RNF138: variants seen among roughly 807,000 people sequenced by gnomAD.
RNF138 encodes E3 ubiquitin-protein ligase RNF138.
In RNF138, 12 loss-of-function variants were observed where a neutral mutation model predicts 31.0. That is an observed-to-expected ratio of 0.39 (90% CI 0.25 to 0.63). RNF138 has a LOEUF of 0.63. Among genes scored for constraint, RNF138 ranks in the 20% least tolerant of loss-of-function variants. The pLI is 0.52. For missense variants in RNF138, 192 were observed against 300.1 expected, an observed-to-expected ratio of 0.64 and a Z score of 2.66; for synonymous variants, 105 against 99.5, an observed-to-expected ratio of 1.06 and a Z score of -0.33.
intron 2 of RNF138, among the ~76,000 whole-genome samples, chr18:32,100,891 C>T (rs1236963640): frequency 1.3e-5 from 2 of 152,178 alleles, no homozygotes; most frequent in Non-Finnish European, 2.9e-5. Context: ...AGGCCTGAGC[C>T]ACTGCGCCTG....
At chr18:32,093,449 C>CA (rs2039745864) in intron 2 of RNF138, among the ~76,000 whole-genome samples, 17 of 152,200 alleles carry the variant, frequency 1.1e-4, no homozygotes, top group Admixed American at 1.1e-3. Flanking sequence ...CTTCACAGAA[C>CA]ACCCTCGAGA....
chr18:32,120,613 A>AGCAGGCATGATACAACAGC (rs1412291860), intron 4 of RNF138, among the ~76,000 whole-genome samples: 1 of 152,240 alleles, frequency 6.6e-6, no homozygotes, highest in African/African-American at 2.4e-5. Flanking sequence ...GGGCTAAATG[A>AGCAGGCATGATACAACAGC]GCAGGCATGA....
At chr18:32,103,735 G>A (rs973610627) in intron 2 of RNF138, among the ~76,000 whole-genome samples, 2 of 152,036 alleles carry the variant, frequency 1.3e-5, no homozygotes, top group East Asian at 1.9e-4. Context: ...AGGCCGAGGC[G>A]GGTGGATCAC....
chr18:32,125,944 G>A (rs2040376735), intron 6 of RNF138, among the ~76,000 whole-genome samples: 1 of 152,130 alleles, frequency 6.6e-6, no homozygotes, highest in African/African-American at 2.4e-5. Flanking sequence ...TCATATTTAA[G>A]ATTTTACTTA....
At chr18:32,113,995 T>C (rs2040175674) in intron 4 of RNF138, 135 bp downstream of exon 4, 3 of 522,400 alleles carry the variant, frequency 5.7e-6, no homozygotes, top group Middle Eastern at 2.7e-4. Flanking sequence ...AATTGCCAAG[T>C]ATCAGAACTA....
intron 2 of RNF138, among the ~76,000 whole-genome samples, chr18:32,111,493 T>A (rs2040129240): frequency 1.3e-5 from 2 of 152,136 alleles, no homozygotes; most frequent in Non-Finnish European, 2.9e-5. Flanking sequence ...GTAGCATTAA[T>A]ATTTATTCAT....
chr18:32,126,816 A>C lies in RNF138; in HGVS notation c.669+16A>C, dbSNP rs762794364. Reference sequence around the variant, plus strand: ...AGAATTTGTGGTAAGTGAATTCTTCAAGATTAAGAAAGTACTGTTTAAATA... The same window carrying C: ...AGAATTTGTGGTAAGTGAATTCTTCCAGATTAAGAAAGTACTGTTTAAATA... On this transcript the variant is annotated intron_variant, in intron 7 of 7. Coordinates refer to ENST00000261593, the MANE Select transcript of RNF138 (RefSeq NM_016271.5). 22 of 1,334,874 alleles carry C rather than the reference A, an allele frequency of 1.6e-5. No homozygotes were observed. The highest frequency in any genetic ancestry group is 2.4e-5 in the Non-Finnish European group (22 of 927,620). 82.7% of individuals were successfully genotyped at this position (1,334,874 alleles called of 1,614,324 possible).
rs1166986144 is a variant in RNF138 at position 32,124,338 on chromosome 18, T to C, written c.450-396T>C. ...AAGTCTTTTAGAAGTTTTAAGTTCC[T>C]AGATAAAAGGTTTGCAAAATGTGGA... On this transcript the variant is annotated intron_variant, in intron 5 of 7. Coordinates refer to ENST00000261593, the MANE Select transcript of RNF138 (RefSeq NM_016271.5). The C allele has an allele frequency of 2.6e-5, 4 of 155,868 alleles. 1 individual carries two copies. Among genetic ancestry groups the C allele is most frequent in the Admixed American group, 2.5e-4 (4 of 15,716 alleles). 9.7% of individuals were successfully genotyped at this position (155,868 alleles called of 1,614,324 possible).
rs1352506409 is a variant in RNF138, at chr18:32,113,826, A to T, written c.358A>T (p.Asn120Tyr). ...DEYGVSSIIP[N>Y]FQISQDSVGN... The stretch of plus-strand genomic sequence containing the variant: ...ATATGGTGTTTCTTCTATCATTCCA[A>T]ACTTTCAGATCTCTCAAGATTCAGT... The change falls in exon 4 of 8, where the codon AAC becomes TAC. Residue 120 changes from asparagine to tyrosine, a missense_variant. By Grantham distance (143) the Asn-to-Tyr change is moderately radical. This residue lies in a region of RNF138 where 140 missense variants were observed against 251.7 expected (regional missense o/e 0.56). Transcript: ENST00000261593. 1 of 1,557,042 alleles carries T rather than the reference A, an allele frequency of 6.4e-7. No individual in the cohort carries two copies.
intron 6 of RNF138, among the ~76,000 whole-genome samples, 193 bp from the exon 7 acceptor site, chr18:32,126,500 C>T (rs7243277): frequency 0.016 from 2,511 of 152,188 alleles, 67 homozygotes; most frequent in African/African-American, 0.058. Context: ...TAAGATTTCT[C>T]ACTGTGTTAG....
intron 4 of RNF138, among the ~76,000 whole-genome samples, chr18:32,114,810 A>C (rs1312689589): frequency 6.6e-6 from 1 of 152,160 alleles, no homozygotes; most frequent in African/African-American, 2.4e-5. Flanking sequence ...TAGTAACTTA[A>C]CCGCCCTTAA....
intron 2 of RNF138, among the ~76,000 whole-genome samples, chr18:32,098,378 G>GT (rs2039853053): frequency 6.6e-6 from 1 of 152,032 alleles, no homozygotes; most frequent in Non-Finnish European, 1.5e-5. Flanking sequence ...CAAACTCCTG[G>GT]TCTCAAGCAG....
At chr18:32,101,424 G>T (rs1421454100) in intron 2 of RNF138, among the ~76,000 whole-genome samples, 2 of 151,682 alleles carry the variant, frequency 1.3e-5, no homozygotes, top group Admixed American at 6.6e-5. Context: ...TTAGAGTCAG[G>T]GTTTCACCAT....
At chr18:32,112,328 A>T (rs1386122578) in intron 3 of RNF138, among the ~76,000 whole-genome samples, 1 of 152,098 alleles carries the variant, frequency 6.6e-6, no homozygotes, top group Non-Finnish European at 1.5e-5. Flanking sequence ...GGGCACATGG[A>T]TTTATGTAGT....
At chr18:32,109,967 C>T (rs2040100162) in intron 2 of RNF138, among the ~76,000 whole-genome samples, 1 of 152,094 alleles carries the variant, frequency 6.6e-6, no homozygotes, top group Non-Finnish European at 1.5e-5. Flanking sequence ...ATTTTGGTTT[C>T]TGGCTATGGT....
intron 6 of RNF138, among the ~76,000 whole-genome samples, chr18:32,125,850 T>C (rs987355362): frequency 6.6e-6 from 1 of 152,204 alleles, no homozygotes; most frequent in African/African-American, 2.4e-5. Flanking sequence ...TAAGAAGGTG[T>C]ACTACCTACT....
intron 4 of RNF138, among the ~76,000 whole-genome samples, chr18:32,118,737 G>A (rs1268642922): frequency 2.6e-5 from 4 of 152,100 alleles, no homozygotes; most frequent in African/African-American, 9.7e-5. Context: ...GCTGAGGCAG[G>A]AGAATTCCTT....
At chr18:32,095,159 A>G (rs1222881417) in intron 2 of RNF138, among the ~76,000 whole-genome samples, 1 of 126,336 alleles carries the variant, frequency 7.9e-6, no homozygotes, top group Non-Finnish European at 1.7e-5. Context: ...GGAATTGGAG[A>G]GAAATTTTAA....
At chr18:32,119,821 A>G (rs1325430301) in intron 4 of RNF138, among the ~76,000 whole-genome samples, 2 of 152,202 alleles carry the variant, frequency 1.3e-5, no homozygotes, top group African/African-American at 2.4e-5. Context: ...TTTTGTTGCT[A>G]TAAAAATGAG....
Sources: allele counts gnomAD v4.1 joint callset (sites outside exome capture counted in the v4.1 genomes callset), GRCh38; gene constraint gnomAD v4.1.1; regional missense constraint gnomAD v4.1.1; transcripts MANE v1.5; gene names NCBI Gene and HGNC (gene_info 2026-07-23, HGNC 2026-07-21).